Variants in TFAP2D observed in about 807,000 individuals in gnomAD.
TFAP2D encodes the protein transcription factor AP-2-delta.
A neutral mutation model predicts 43.6 loss-of-function variants in TFAP2D; 9 were observed. That is an observed-to-expected ratio of 0.21 (90% CI 0.12 to 0.36). TFAP2D has a LOEUF of 0.36. Among genes scored for constraint, TFAP2D ranks in the 10% least tolerant of loss-of-function variants. The pLI is 1.00. For missense variants in TFAP2D, 513 were observed against 561.4 expected, an observed-to-expected ratio of 0.91 and a Z score of 0.87; for synonymous variants, 256 against 224.9, an observed-to-expected ratio of 1.14 and a Z score of -1.24.
In TFAP2D at chr6:50,713,705, A is replaced by C. The variant is rs2114024515; in HGVS notation, c.-351A>C. The C allele has an allele frequency of 3.0e-6, 1 of 333,846 alleles. No individual in the cohort carries two copies. Among genetic ancestry groups the C allele is most frequent in the East Asian group, 7.2e-5 (1 of 13,916 alleles). 20.7% of individuals were successfully genotyped at this position (333,846 alleles called of 1,614,324 possible). The stretch of plus-strand genomic sequence containing the variant: ...TATTTATTCCTTGTCTCCTGGGATA[A>C]ATCTCTTCTGCCTATTGTCCTCCCA... On this transcript the variant is annotated 5_prime_UTR_variant, in exon 1 of 8. The change abolishes the stop of an existing upstream ORF in the 5' untranslated region. Transcript: ENST00000008391.
In TFAP2D at chr6:50,715,602, G is replaced by T; in HGVS notation, c.526G>T (p.Asp176Tyr). The T allele has an allele frequency of 6.3e-7, 1 of 1,594,880 alleles. No individual in the cohort carries two copies. Among genetic ancestry groups the T allele is most frequent in the South Asian group, 1.1e-5 (1 of 90,682 alleles). ...CCTGGGGCTGGCCGCCGCGGGAGCAGACGACTTGCAGGTAAATAAGCATGC... is the reference window on the plus strand; with the variant it reads ...CCTGGGGCTGGCCGCCGCGGGAGCATACGACTTGCAGGTAAATAAGCATGC... ...PSLGLAAAGA[D>Y]DLQGSVEAQC... is the part of the protein sequence containing the mutation. Residue 176 changes from aspartate (D) to tyrosine (Y), a missense_variant, in exon 2 of 8, where the codon GAC (aspartate) becomes TAC (tyrosine). Asp to Tyr is a radical substitution (Grantham distance 160). Coordinates refer to ENST00000008391, the MANE Select transcript of TFAP2D (RefSeq NM_172238.4).
chr6:50,757,144 T>A (rs1284847950), intron 7 of TFAP2D, among the ~76,000 whole-genome samples: 2 of 151,310 alleles, frequency 1.3e-5, no homozygotes, highest in Admixed American at 6.6e-5. Flanking sequence ...TTATTTCTAG[T>A]AGAATTATTA....
At chr6:50,749,746 A>G (rs1769174775) in intron 6 of TFAP2D, among the ~76,000 whole-genome samples, 1 of 151,886 alleles carries the variant, frequency 6.6e-6, no homozygotes, top group Non-Finnish European at 1.5e-5. Context: ...GTCTCACAAC[A>G]GAAAATGTGA....
chr6:50,729,990 A>G (rs1473354119), intron 5 of TFAP2D, among the ~76,000 whole-genome samples: 1 of 152,124 alleles, frequency 6.6e-6, no homozygotes, highest in Non-Finnish European at 1.5e-5. Flanking sequence ...AAGGAGAGTT[A>G]TTATTGAAAG....
At chr6:50,726,623 T>A (rs1768811316) in intron 3 of TFAP2D, among the ~76,000 whole-genome samples, 1 of 152,222 alleles carries the variant, frequency 6.6e-6, no homozygotes, top group African/African-American at 2.4e-5. Flanking sequence ...TGGGGTAGAC[T>A]TATCTAATTC....
At chr6:50,723,076 C>A (rs1053004926) in intron 3 of TFAP2D, among the ~76,000 whole-genome samples, 2 of 152,184 alleles carry the variant, frequency 1.3e-5, no homozygotes, top group African/African-American at 2.4e-5. Flanking sequence ...CTGAACTCTG[C>A]ACGTTTTAAG....
At chr6:50,767,980 C>T (rs924443754) in intron 7 of TFAP2D, among the ~76,000 whole-genome samples, 1 of 152,130 alleles carries the variant, frequency 6.6e-6, no homozygotes, top group Non-Finnish European at 1.5e-5. Context: ...ATTTAAGTAA[C>T]TTCTATATTT....
chr6:50,721,335 G>A (rs368548950), intron 3 of TFAP2D, among the ~76,000 whole-genome samples: 1 of 152,180 alleles, frequency 6.6e-6, no homozygotes, highest in African/African-American at 2.4e-5. Flanking sequence ...TTTAGCTGCT[G>A]AGTTTATTCC....
chr6:50,715,642 C>T (rs780714709), intron 2 of TFAP2D, 29 bp downstream of exon 2: 3 of 1,554,390 alleles, frequency 1.9e-6, no homozygotes, highest in Non-Finnish European at 2.6e-6. Flanking sequence ...AATTTGTCTG[C>T]TCCCTCCCCT....
At chr6:50,724,791 G>T (rs1005900447) in intron 3 of TFAP2D, among the ~76,000 whole-genome samples, 2 of 151,920 alleles carry the variant, frequency 1.3e-5, no homozygotes, top group African/African-American at 4.8e-5. Context: ...TCGGCGGGGG[G>T]ACCTGTCTTG....
In TFAP2D at chr6:50,728,995, T is replaced by C; in HGVS notation, c.738T>C (p.Ala246=). 3 of 1,613,980 alleles carry C rather than the reference T, an allele frequency of 1.9e-6. No homozygotes were observed. Among genetic ancestry groups the C allele is most frequent in the Non-Finnish European group, 2.5e-6 (3 of 1,179,922 alleles). The change falls in exon 4 of 8, where the codon GCT becomes GCC. Residue 246 remains alanine (A), a synonymous_variant. Coordinates refer to ENST00000008391, the MANE Select transcript of TFAP2D (RefSeq NM_172238.4). ...RRLSPPECLN[A]SLLGGILRRA... ...TCTCCCCACCTGAGTGCCTCAATGCTTCACTCTTGGGAGGCATTTTGAGAA... is the reference window on the plus strand; with the variant it reads ...TCTCCCCACCTGAGTGCCTCAATGCCTCACTCTTGGGAGGCATTTTGAGAA...
At chr6:50,750,727 G>C (rs987087566) in intron 6 of TFAP2D, among the ~76,000 whole-genome samples, 2 of 151,902 alleles carry the variant, frequency 1.3e-5, no homozygotes, top group Non-Finnish European at 2.9e-5. Context: ...TCAAATATTA[G>C]CATATAAAGT....
At chr6:50,753,514 T>C (rs1383864256) in intron 7 of TFAP2D, among the ~76,000 whole-genome samples, 1 of 151,914 alleles carries the variant, frequency 6.6e-6, no homozygotes, top group African/African-American at 2.4e-5. Context: ...TTATATGCTC[T>C]TATTTACCTC....
At chr6:50,742,408 A>T (rs1769058332) in intron 5 of TFAP2D, among the ~76,000 whole-genome samples, 1 of 152,098 alleles carries the variant, frequency 6.6e-6, no homozygotes, top group South Asian at 2.1e-4. Flanking sequence ...TTTGCATAAA[A>T]TGGGACAGAT....
At chr6:50,755,230 C>A (rs1430146335) in intron 7 of TFAP2D, among the ~76,000 whole-genome samples, 4 of 151,702 alleles carry the variant, frequency 2.6e-5, no homozygotes, top group Non-Finnish European at 5.9e-5. Flanking sequence ...AATTGAAACC[C>A]AAAGTGAAGG....
intron 7 of TFAP2D, among the ~76,000 whole-genome samples, chr6:50,766,824 G>A (rs925547148): frequency 3.3e-5 from 5 of 151,086 alleles, no homozygotes; most frequent in African/African-American, 7.3e-5. Context: ...GCCCGCCACC[G>A]CGCCTGGCTA....
chr6:50,751,061 T>C (rs2113886047), intron 6 of TFAP2D, 150 bp from the exon 7 acceptor site: 2 of 578,776 alleles, frequency 3.5e-6, no homozygotes, highest in East Asian at 3.0e-5. Flanking sequence ...AACTCAACTG[T>C]ATGCTATGAA....
Position 50,751,172 on chromosome 6 carries a change from T to C in TFAP2D, c.1026-39T>C, listed in dbSNP as rs764767890. On this transcript the variant is annotated intron_variant, in intron 6 of 7. Coordinates refer to ENST00000008391, the MANE Select transcript of TFAP2D (RefSeq NM_172238.4). ...TCATGGGATGAAATTAAAGCTCAAT[T>C]TGAAAATTTCAATTTTAAATTTGAT... 5.0e-6 allele frequency: 7 copies of C among 1,407,024 alleles called. No homozygotes were observed. The African/African-American group carries it at 1.0e-4, about 20-fold the overall frequency. The allele number at this position is 1,407,024 out of a possible 1,614,324, so 87.2% of individuals were successfully genotyped here.
Position 50,751,290 on chromosome 6 carries a change from G to T in TFAP2D, c.1105G>T (p.Asp369Tyr). The change falls in exon 7 of 8, where the codon GAC becomes TAC. Residue 369 changes from aspartate to tyrosine, a missense_variant. Coordinates refer to ENST00000008391, the MANE Select transcript of TFAP2D (RefSeq NM_172238.4). ...LGSSRPTPIL[D>Y]LDIQRHLTHF... ...ATCCTCCAGACCCACTCCAATTCTA[G>T]ACCTTGACATCCAGAGACATTTAAC... 1 of 1,611,460 alleles carries T rather than the reference G, an allele frequency of 6.2e-7. No homozygotes were observed. Among genetic ancestry groups the T allele is most frequent in the Non-Finnish European group, 8.5e-7 (1 of 1,178,220 alleles).
Sources: allele counts gnomAD v4.1 joint callset (sites outside exome capture counted in the v4.1 genomes callset), GRCh38; gene constraint gnomAD v4.1.1; transcripts MANE v1.5; gene names NCBI Gene and HGNC (gene_info 2026-07-23, HGNC 2026-07-21).